Variants in NRXN3 observed in about 807,000 individuals in gnomAD.
NRXN3 encodes the protein neurexin III.
NRXN3 carries 32 observed loss-of-function variants against 137.6 expected under a neutral mutation model. That is an observed-to-expected ratio of 0.23 (90% CI 0.18 to 0.31). The LOEUF is 0.31. Ranked by LOEUF, NRXN3 falls within the 10% of genes least tolerant of loss-of-function variation. The probability of loss-of-function intolerance (pLI) is 1.00; values close to 1 mark genes in which losing one functional copy is unlikely to be tolerated. For synonymous variants in NRXN3, 798 were observed against 784.5 expected (o/e 1.02, Z -0.29); for missense variants, 1,574 against 2,062.5 (o/e 0.76, Z 4.59).
At chr14:79,522,153 C>A (rs2097072074) in intron 16 of NRXN3, among the ~76,000 whole-genome samples, 1 of 152,078 alleles carries the variant, frequency 6.6e-6, no homozygotes, top group African/African-American at 2.4e-5. Context: ...TTCTGTGGAA[C>A]AGGTAGTTGG....
intron 15 of NRXN3, among the ~76,000 whole-genome samples, chr14:79,123,932 C>T (rs1242574644): frequency 6.6e-6 from 1 of 152,144 alleles, no homozygotes; most frequent in Non-Finnish European, 1.5e-5. Context: ...TTGTTTTTAA[C>T]CATTTCTAAG....
chr14:78,869,952 A>C (rs2099097271), intron 10 of NRXN3, among the ~76,000 whole-genome samples: 1 of 152,228 alleles, frequency 6.6e-6, no homozygotes, highest in African/African-American at 2.4e-5. Context: ...AGTAGAGGTC[A>C]GCAGACAGAC....
intron 16 of NRXN3, among the ~76,000 whole-genome samples, chr14:79,488,715 A>G (rs1345637874): frequency 6.6e-6 from 1 of 152,164 alleles, no homozygotes; most frequent in East Asian, 1.9e-4. Flanking sequence ...GAGGAAATTA[A>G]AGAAAATTCA....
chr14:79,189,593 G>A (rs2064000923), intron 15 of NRXN3, among the ~76,000 whole-genome samples: 2 of 151,490 alleles, frequency 1.3e-5, no homozygotes, highest in South Asian at 4.2e-4. Flanking sequence ...CCCTTTCACT[G>A]TTCTGCCCAA....
intron 4 of NRXN3, among the ~76,000 whole-genome samples, chr14:78,507,427 G>T (rs568940583): frequency 5.3e-4 from 81 of 152,258 alleles, no homozygotes; most frequent in African/African-American, 1.8e-3. Flanking sequence ...ACTACAGATG[G>T]TCACTGCCCC....
At chr14:78,718,640 T>C (rs1213401785) in intron 8 of NRXN3, among the ~76,000 whole-genome samples, 1 of 152,250 alleles carries the variant, frequency 6.6e-6, no homozygotes, top group Non-Finnish European at 1.5e-5. Flanking sequence ...AGAGTGCTTC[T>C]TCTGCCTGTG....
At chr14:79,127,712 GA>G (rs1231075779) in intron 15 of NRXN3, among the ~76,000 whole-genome samples, 2 of 152,162 alleles carry the variant, frequency 1.3e-5, no homozygotes, top group African/African-American at 4.8e-5. Flanking sequence ...ATTCTGTGAA[GA>G]AAGTCATTGG....
At chr14:78,775,794 C>G (rs1288245369) in intron 8 of NRXN3, among the ~76,000 whole-genome samples, 4 of 152,166 alleles carry the variant, frequency 2.6e-5, no homozygotes, top group Non-Finnish European at 5.9e-5. Flanking sequence ...ACTCTACTCC[C>G]CTTTTATCCA....
intron 3 of NRXN3, among the ~76,000 whole-genome samples, chr14:78,293,451 TC>T (rs1322864115): frequency 2.0e-5 from 3 of 152,132 alleles, no homozygotes; most frequent in Admixed American, 6.5e-5. Context: ...CTTGAATCCA[TC>T]CCCCTACTCC....
intron 4 of NRXN3, chr14:78,615,043 T>G (rs758016799): frequency 2.2e-6 from 1 of 456,660 alleles, no homozygotes; most frequent in South Asian, 1.5e-5. Context: ...GTAGGGATGC[T>G]CCTCGTATTT....
Position 78,988,034 on chromosome 14 carries a change from C to T in NRXN3, c.3155C>T (p.Thr1052Ile). 1 of 1,613,726 alleles carries T rather than the reference C, an allele frequency of 6.2e-7. No individual in the cohort carries two copies. The highest frequency in any genetic ancestry group is 8.5e-7 in the Non-Finnish European group (1 of 1,179,828). ...IERGCEGPST[T>I]CQEDSCANQG... ...TGTGCATTACTAGGACCCAGTACCA[C>T]CTGCCAGGAAGATTCATGTGCCAAC... The change falls in exon 15 of 21, where the codon ACC becomes ATC. Residue 1052 changes from threonine (T) to isoleucine (I), a missense_variant. Physicochemically the swap from Thr to Ile is moderately conservative, Grantham distance 89 (BLOSUM62 -1). Around this residue, in one of 5 missense-constraint regions of NRXN3, gnomAD observed 718 missense variants for 887.6 expected, o/e 0.81. Coordinates refer to ENST00000335750, the MANE Select transcript of NRXN3 (RefSeq NM_001330195.2).
intron 1 of NRXN3, among the ~76,000 whole-genome samples, chr14:78,235,902 A>G (rs2066230670): frequency 6.6e-6 from 1 of 152,208 alleles, no homozygotes; most frequent in Admixed American, 6.5e-5. Flanking sequence ...AGTGGGCTCA[A>G]AAGAGAGGAC....
chr14:79,537,707 T>C (rs2153729379), intron 16 of NRXN3, among the ~76,000 whole-genome samples: 1 of 152,294 alleles, frequency 6.6e-6, no homozygotes, highest in South Asian at 2.1e-4. Flanking sequence ...GACATTTGGG[T>C]TGGTTCCAAG....
intron 19 of NRXN3, among the ~76,000 whole-genome samples, chr14:79,705,477 CTT>C (rs1313982487): frequency 3.9e-5 from 6 of 152,146 alleles, no homozygotes; most frequent in Non-Finnish European, 7.4e-5. Context: ...TGATATTTGA[CTT>C]TTTGCTTTTG....
chr14:78,517,271 G>A (rs2096222438), intron 4 of NRXN3, among the ~76,000 whole-genome samples: 1 of 152,116 alleles, frequency 6.6e-6, no homozygotes, highest in African/African-American at 2.4e-5. Context: ...TATTTAATAT[G>A]TTGATTTAAG....
chr14:79,076,966 T>A (rs1418798073), intron 15 of NRXN3, among the ~76,000 whole-genome samples: 1 of 152,152 alleles, frequency 6.6e-6, no homozygotes. Context: ...TCTAGTTTAC[T>A]AAAAACAAAG....
At chr14:78,940,647 G>T (rs1202639232) in intron 10 of NRXN3, among the ~76,000 whole-genome samples, 2 of 152,110 alleles carry the variant, frequency 1.3e-5, no homozygotes, top group African/African-American at 2.4e-5. Context: ...GCAGATATTT[G>T]TTCCTTGAAT....
intron 16 of NRXN3, among the ~76,000 whole-genome samples, chr14:79,585,986 T>C (rs1470996693): frequency 6.6e-6 from 1 of 152,224 alleles, no homozygotes; most frequent in Admixed American, 6.5e-5. Context: ...GTTTGTGGCG[T>C]AGCATATGGT....
chr14:78,905,128 T>TTGAGCCAACTCCTTGCATTCTC (rs1242917915), intron 10 of NRXN3, among the ~76,000 whole-genome samples: 1 of 152,178 alleles, frequency 6.6e-6, no homozygotes, highest in Non-Finnish European at 1.5e-5. Context: ...TCATCTTCAG[T>TTGAGCCAACTCCTTGCATTCTC]TGAGCCAACT....
Sources: allele counts gnomAD v4.1 joint callset (sites outside exome capture counted in the v4.1 genomes callset), GRCh38; gene constraint gnomAD v4.1.1; regional missense constraint gnomAD v4.1.1; transcripts MANE v1.5; gene names NCBI Gene and HGNC (gene_info 2026-07-23, HGNC 2026-07-21).